Variants in PCNX1 observed in about 807,000 individuals in gnomAD.
PCNX1 encodes the protein pecanex-like protein 1.
In PCNX1, 78 loss-of-function variants were observed where a neutral mutation model predicts 242.2. That is an observed-to-expected ratio of 0.32 (90% CI 0.27 to 0.39). The LOEUF (loss-of-function observed/expected upper bound fraction) is 0.39. Ranked by LOEUF, PCNX1 falls within the 10% of genes least tolerant of loss-of-function variation. The pLI, the probability that PCNX1 is intolerant of heterozygous loss-of-function variation, is 1.00. For synonymous variants in PCNX1, 1,024 were observed against 1,032.9 expected, an observed-to-expected ratio of 0.99 and a Z score of 0.17; for missense variants, 2,581 against 2,856.5, an observed-to-expected ratio of 0.90 and a Z score of 2.20.
At chr14:70,950,644 G>T (rs1333625362) in intron 2 of PCNX1, among the ~76,000 whole-genome samples, 1 of 151,798 alleles carries the variant, frequency 6.6e-6, no homozygotes, top group Non-Finnish European at 1.5e-5. Flanking sequence ...TGAGTATTTA[G>T]TATTTTGAAA....
chr14:71,101,243 T>C (rs1456423691), intron 30 of PCNX1, among the ~76,000 whole-genome samples: 1 of 152,222 alleles, frequency 6.6e-6, no homozygotes, highest in Non-Finnish European at 1.5e-5. Flanking sequence ...TTCTTTAATA[T>C]ACCATTTCAA....
At chr14:71,100,632 C>T (rs2062437758) in intron 30 of PCNX1, among the ~76,000 whole-genome samples, 1 of 152,160 alleles carries the variant, frequency 6.6e-6, no homozygotes, top group Non-Finnish European at 1.5e-5. Context: ...TGGATGTCCA[C>T]CTTTCTAGCA....
At chr14:70,983,505 A>G (rs529137447) in intron 6 of PCNX1, among the ~76,000 whole-genome samples, 5 of 152,144 alleles carry the variant, frequency 3.3e-5, no homozygotes, top group African/African-American at 9.7e-5. Context: ...GGGTTTCACC[A>G]TATTGGCCAG....
chr14:70,949,229 GTA>G (rs1481822280), intron 2 of PCNX1, among the ~76,000 whole-genome samples: 1 of 127,980 alleles, frequency 7.8e-6, no homozygotes, highest in East Asian at 3.4e-4. Context: ...ATAGATATAT[GTA>G]TGTGTATATA....
At chr14:70,952,831 A>G (rs2057840140) in intron 2 of PCNX1, among the ~76,000 whole-genome samples, 1 of 152,196 alleles carries the variant, frequency 6.6e-6, no homozygotes, top group Non-Finnish European at 1.5e-5. Flanking sequence ...AGGCAATTCC[A>G]AGCTGTGTGC....
rs182228429 is a variant in PCNX1, at chr14:71,045,785, A to T, written c.4018+502A>T. ...GACAAAGTAAAAAGAAATTAAAAAC[A>T]TTTTTAATAGCTGTTATTAGTTCAG... On this transcript the variant is annotated intron_variant, in intron 20 of 35. Transcript: ENST00000304743. Among the ~76,000 whole-genome samples the T allele has an allele frequency of 1.6e-4, 24 of 152,318 alleles. No individual in the cohort carries two copies. In the East Asian group the frequency reaches 4.0e-3, roughly 26 times the overall value.
chr14:70,951,797 A>G (rs1363922668), intron 2 of PCNX1, among the ~76,000 whole-genome samples: 1 of 152,228 alleles, frequency 6.6e-6, no homozygotes, highest in Non-Finnish European at 1.5e-5. Flanking sequence ...AATTGTAGAA[A>G]CTCAACTTTT....
At chr14:70,919,829 T>TGTC (rs1566567051) in intron 1 of PCNX1, among the ~76,000 whole-genome samples, 1 of 150,298 alleles carries the variant, frequency 6.7e-6, no homozygotes, top group African/African-American at 2.4e-5. Context: ...TAACTTGCAC[T>TGTC]GTCAGTGCTA....
At chr14:71,049,132 C>A in intron 22 of PCNX1, 1 of 863,620 alleles carries the variant, frequency 1.2e-6, no homozygotes, top group Non-Finnish European at 1.4e-6. Context: ...GTGAAAGTTG[C>A]AGTAAAATAT....
intron 1 of PCNX1, among the ~76,000 whole-genome samples, chr14:70,940,848 ACTTCT>A (rs1025248680): frequency 2.3e-4 from 35 of 151,934 alleles, no homozygotes; most frequent in African/African-American, 6.0e-4. Flanking sequence ...TTTTCTCTAA[ACTTCT>A]CTTCTCACTT....
chr14:71,057,372 A>C lies in PCNX1; in HGVS notation c.4637-137A>C. 4 of 597,262 alleles carry C rather than the reference A, an allele frequency of 6.7e-6. No individual in the cohort carries two copies. The South Asian group carries it at 8.9e-5, about 13-fold the overall frequency. The allele number at this position is 597,262 out of a possible 1,614,324, so 37.0% of individuals were successfully genotyped here. On this transcript the variant is annotated intron_variant, in intron 25 of 35. Coordinates refer to ENST00000304743, the MANE Select transcript of PCNX1 (RefSeq NM_014982.3). ...TTTCCTGTTTTACTTTTGTATAGAA[A>C]CTGTAAGGGTATGAATGTTATTTTC... is the stretch of plus-strand genomic sequence containing the variant.
intron 26 of PCNX1, among the ~76,000 whole-genome samples, chr14:71,070,105 C>G (rs149220768): frequency 6.6e-6 from 1 of 152,190 alleles, no homozygotes; most frequent in East Asian, 1.9e-4. Flanking sequence ...CAAGAAACTG[C>G]TTTCTTCTCA....
chr14:71,040,003 A>G (rs1036358900), intron 19 of PCNX1, among the ~76,000 whole-genome samples: 1 of 152,060 alleles, frequency 6.6e-6, no homozygotes, highest in Admixed American at 6.6e-5. Flanking sequence ...TTAGGGATGA[A>G]GTCTCACTAT....
intron 1 of PCNX1, among the ~76,000 whole-genome samples, chr14:70,925,824 G>T (rs1394069224): frequency 1.3e-5 from 2 of 152,036 alleles, no homozygotes; most frequent in Non-Finnish European, 2.9e-5. Context: ...GAGGCTCCTA[G>T]GGGTTAAATC....
At chr14:71,007,526 A>G (rs1453151997) in intron 8 of PCNX1, among the ~76,000 whole-genome samples, 1 of 152,168 alleles carries the variant, frequency 6.6e-6, no homozygotes, top group Non-Finnish European at 1.5e-5. Flanking sequence ...CAATACATTT[A>G]TGCATTCTGT....
At chr14:70,960,547 C>G (rs2058171969) in intron 2 of PCNX1, among the ~76,000 whole-genome samples, 1 of 152,006 alleles carries the variant, frequency 6.6e-6, no homozygotes, top group Non-Finnish European at 1.5e-5. Context: ...ATGACAAACC[C>G]ACAGCCAATA....
chr14:71,034,057 T>A (rs1357550150), intron 18 of PCNX1, 21 bp downstream of exon 18: 2 of 1,332,222 alleles, frequency 1.5e-6, no homozygotes, highest in African/African-American at 2.9e-5. Flanking sequence ...ACATTTAGAA[T>A]CACCTAAAAG....
At chr14:71,043,125 A>G (rs759211035) in intron 19 of PCNX1, among the ~76,000 whole-genome samples, 2 of 152,104 alleles carry the variant, frequency 1.3e-5, no homozygotes, top group Non-Finnish European at 2.9e-5. Flanking sequence ...GTGTCACCTC[A>G]GTGTCTTCTG....
At chr14:70,926,987 G>A (rs1048856885) in intron 1 of PCNX1, among the ~76,000 whole-genome samples, 1 of 152,096 alleles carries the variant, frequency 6.6e-6, no homozygotes, top group African/African-American at 2.4e-5. Flanking sequence ...ACTGGGTATC[G>A]CTTCACTTTC....
Sources: allele counts gnomAD v4.1 joint callset (sites outside exome capture counted in the v4.1 genomes callset), GRCh38; gene constraint gnomAD v4.1.1; transcripts MANE v1.5; gene names NCBI Gene and HGNC (gene_info 2026-07-23, HGNC 2026-07-21).